Variants in FER observed in about 807,000 individuals in gnomAD.
The protein encoded by FER is tyrosine-protein kinase Fer.
Under a neutral mutation model 111.0 loss-of-function variants are expected in FER, and 63 were observed. The observed-to-expected ratio is 0.57, with a 90% confidence interval of 0.46 to 0.70. The LOEUF (loss-of-function observed/expected upper bound fraction) is 0.70. FER is among the 30% of genes least tolerant of loss of function. The pLI is 0.00. For synonymous variants in FER, 327 were observed against 313.9 expected, an observed-to-expected ratio of 1.04 and a Z score of -0.44; for missense variants, 914 against 954.0, an observed-to-expected ratio of 0.96 and a Z score of 0.55.
At chr5:109,058,263 G>A (rs889711062) in intron 16 of FER, among the ~76,000 whole-genome samples, 1 of 152,130 alleles carries the variant, frequency 6.6e-6, no homozygotes, top group Non-Finnish European at 1.5e-5. Context: ...ATGAATGAAT[G>A]ACAAATGACT....
chr5:108,996,113 G>GT (rs747677649), intron 13 of FER, among the ~76,000 whole-genome samples: 17 of 152,230 alleles, frequency 1.1e-4, no homozygotes, highest in Non-Finnish European at 2.2e-4. Flanking sequence ...TGAAGGAGTT[G>GT]TTTTTTTCTT....
intron 11 of FER, among the ~76,000 whole-genome samples, chr5:108,950,908 TC>T (rs538883370): frequency 2.6e-5 from 4 of 151,698 alleles, no homozygotes; most frequent in Non-Finnish European, 5.9e-5. Context: ...TGATTTCTCA[TC>T]CCCTCCCAAA....
At position 109,141,481 on chromosome 5, in the gene FER, T is replaced by C. The variant is rs947685406; in HGVS notation, c.2049-39266T>C. On this transcript the variant is annotated intron_variant, in intron 17 of 19. Coordinates refer to ENST00000281092, the MANE Select transcript of FER (RefSeq NM_005246.4). ...CAGAAGCTAGAAAAGTTTTGACTTC[T>C]GTATCAGTTAGGCTAACACAGATAG... Among the ~76,000 whole-genome samples the C allele has an allele frequency of 1.2e-4, 19 of 152,246 alleles. 1 individual carries two copies. Among genetic ancestry groups the C allele is most frequent in the Non-Finnish European group, 2.4e-4 (16 of 68,044 alleles).
Position 108,871,481 on chromosome 5 carries a change from A to G in FER, c.782A>G (p.Asn261Ser), listed in dbSNP as rs182613310. 170 of 1,606,392 alleles carry G rather than the reference A, an allele frequency of 1.1e-4. 2 individuals are homozygous for G. The highest frequency in any genetic ancestry group is 7.0e-4 in the Admixed American group (42 of 59,656). The change falls in exon 7 of 20, where the codon AAT becomes AGT. Residue 261 changes from asparagine to serine, a missense_variant. Coordinates refer to ENST00000281092, the MANE Select transcript of FER (RefSeq NM_005246.4). ...CAGATAGATCCTAGTACAGAATACA[A>G]TAATTTCATAGATGTTCACAGGTAT... ...VEQIDPSTEYNNFIDVHRTTA... is the reference protein window; with the variant it reads ...VEQIDPSTEYSNFIDVHRTTA...
intron 9 of FER, among the ~76,000 whole-genome samples, chr5:108,889,651 TAACTA>T (rs915392905): frequency 7.2e-5 from 11 of 152,008 alleles, no homozygotes; most frequent in African/African-American, 2.7e-4. Context: ...CATTTTAAAA[TAACTA>T]AAAGAGTATA....
chr5:108,949,387 T>C lies in FER; in HGVS notation c.1329+3165T>C, dbSNP rs192874201. On this transcript the variant is annotated intron_variant, in intron 11 of 19. Transcript: ENST00000281092. Reference sequence around the variant, plus strand: ...GGTCTTAAGTTGCGCTTTCCCCCCATTTATTAATATGTAAAAGAGTGATAA... The same window carrying C: ...GGTCTTAAGTTGCGCTTTCCCCCCACTTATTAATATGTAAAAGAGTGATAA... 1.1e-3 allele frequency among the ~76,000 whole-genome samples: 165 copies of C among 152,180 alleles called. 1 individual carries two copies. Among genetic ancestry groups the C allele is most frequent in the Middle Eastern group, 3.4e-3 (1 of 294 alleles).
chr5:109,116,748 T>A (rs1472872393), intron 17 of FER, among the ~76,000 whole-genome samples: 1 of 152,208 alleles, frequency 6.6e-6, no homozygotes, highest in Non-Finnish European at 1.5e-5. Context: ...GCCTTCAGGA[T>A]GTCACTCTTT....
chr5:108,759,366 A>G (rs571701337), intron 1 of FER, among the ~76,000 whole-genome samples: 84 of 152,250 alleles, frequency 5.5e-4, no homozygotes, highest in African/African-American at 2.0e-3. Context: ...ATGTCTACCA[A>G]TATTCTGTTC....
At chr5:109,168,359 A>T (rs1441282753) in intron 17 of FER, among the ~76,000 whole-genome samples, 1 of 152,084 alleles carries the variant, frequency 6.6e-6, no homozygotes, top group Admixed American at 6.6e-5. Flanking sequence ...GGGCCTAGTC[A>T]CCAGAAAGAC....
chr5:109,140,345 C>T (rs1424943196), intron 17 of FER, among the ~76,000 whole-genome samples: 1 of 152,148 alleles, frequency 6.6e-6, no homozygotes, highest in African/African-American at 2.4e-5. Flanking sequence ...GGCATCTAAC[C>T]ACAGCATTGC....
intron 10 of FER, among the ~76,000 whole-genome samples, chr5:108,907,965 T>C (rs1561597158): frequency 6.6e-6 from 1 of 152,094 alleles, no homozygotes; most frequent in Non-Finnish European, 1.5e-5. Context: ...AGAGAGAAAG[T>C]TAAGTGATTT....
chr5:108,902,939 G>C (rs1206371482), intron 10 of FER, among the ~76,000 whole-genome samples: 2 of 151,186 alleles, frequency 1.3e-5, no homozygotes, highest in Non-Finnish European at 3.0e-5. Flanking sequence ...TAAGAGACAT[G>C]TTCTTCATTC....
chr5:108,803,644 AT>A lies in FER; in HGVS notation c.207+5267del, dbSNP rs111349692. On this transcript the variant is annotated intron_variant, in intron 3 of 19. Transcript: ENST00000281092. ...AAAGATCAGATGGCTGTAGGTTTGCATTTTTTTTTTTTAATTTCTGTGTTTT... is the reference window on the plus strand; with the variant it reads ...AAAGATCAGATGGCTGTAGGTTTGCATTTTTTTTTTTAATTTCTGTGTTTT... Among the ~76,000 whole-genome samples the A allele has an allele frequency of 1.0e-3, 148 of 144,808 alleles. 1 individual carries two copies. The highest frequency in any genetic ancestry group is 7.0e-3 in the Middle Eastern group (2 of 284). 95.0% of individuals were successfully genotyped at this position (144,808 alleles called of 152,430 possible). A position where few individuals can be genotyped will look rare whatever the true frequency, so the allele number is the denominator to read the frequency against.
intron 13 of FER, among the ~76,000 whole-genome samples, chr5:108,967,759 CAAAAAAAAAAAA>C (rs774855414): frequency 8.7e-5 from 3 of 34,476 alleles, no homozygotes; most frequent in African/African-American, 3.2e-4. Flanking sequence ...GACTCCGTCT[CAAAAAAAAAAAA>C]AAAAAAAAAA....
chr5:108,925,004 C>T (rs185735245), intron 10 of FER, among the ~76,000 whole-genome samples: 8 of 152,008 alleles, frequency 5.3e-5, no homozygotes, highest in Non-Finnish European at 7.4e-5. Context: ...CTTCTTTTCA[C>T]ATTTGTATTT....
At chr5:108,800,903 C>T (rs1280275221) in intron 3 of FER, among the ~76,000 whole-genome samples, 13 of 152,200 alleles carry the variant, frequency 8.5e-5, no homozygotes, top group Non-Finnish European at 1.0e-4. Context: ...AAAAATTAGC[C>T]GGGCGTGGTG....
At chr5:108,795,028 C>A (rs1459469177) in intron 2 of FER, among the ~76,000 whole-genome samples, 1 of 152,132 alleles carries the variant, frequency 6.6e-6, no homozygotes, top group Non-Finnish European at 1.5e-5. Flanking sequence ...CTTAGATTCC[C>A]TTTTTTGGCT....
intron 9 of FER, among the ~76,000 whole-genome samples, chr5:108,892,603 C>G (rs1303984498): frequency 6.6e-6 from 1 of 152,082 alleles, no homozygotes; most frequent in Admixed American, 6.5e-5. Context: ...AAAATTTTCT[C>G]TCTTTCTGTA....
intron 12 of FER, among the ~76,000 whole-genome samples, chr5:108,955,815 A>C (rs542434761): frequency 1.3e-5 from 2 of 151,848 alleles, no homozygotes; most frequent in Non-Finnish European, 3.0e-5. Flanking sequence ...ACTTAGTAAC[A>C]GGTGTATGTA....
Sources: allele counts gnomAD v4.1 joint callset (sites outside exome capture counted in the v4.1 genomes callset), GRCh38; gene constraint gnomAD v4.1.1; transcripts MANE v1.5; gene names NCBI Gene and HGNC (gene_info 2026-07-23, HGNC 2026-07-21).